The following IGF1R variants were observed in gnomAD, a reference collection of about 807,000 sequenced individuals.
IGF1R encodes the protein insulin like growth factor 1 receptor.
IGF1R carries 44 observed loss-of-function variants against 144.6 expected under a neutral mutation model. That is an observed-to-expected ratio of 0.30 (90% CI 0.24 to 0.39). The LOEUF (loss-of-function observed/expected upper bound fraction) is 0.39. Among genes scored for constraint, IGF1R ranks in the 10% least tolerant of loss-of-function variants. IGF1R has a pLI of 1.00. For missense variants in IGF1R, 1,355 were observed against 1,833.7 expected (o/e 0.74, Z 4.77); for synonymous variants, 795 against 722.8 (o/e 1.10, Z -1.60).
chr15:98,753,938 C>T (rs1217867728), intron 2 of IGF1R, among the ~76,000 whole-genome samples: 1 of 152,032 alleles, frequency 6.6e-6, no homozygotes, highest in Non-Finnish European at 1.5e-5. Context: ...TTTTCTGTGC[C>T]CTCCCTCCTC....
At chr15:98,676,267 A>G (rs2053042308) in intron 1 of IGF1R, among the ~76,000 whole-genome samples, 1 of 152,074 alleles carries the variant, frequency 6.6e-6, no homozygotes, top group Non-Finnish European at 1.5e-5. Flanking sequence ...CCTCTCGAGT[A>G]GCTGGGACTA....
intron 8 of IGF1R, 64 bp from the exon 9 acceptor site, chr15:98,915,900 T>C: frequency 6.7e-7 from 1 of 1,498,334 alleles, no homozygotes; most frequent in Non-Finnish European, 9.3e-7. Context: ...CTTGCCAGAG[T>C]ATCTGATAGC....
chr15:98,798,111 A>G (rs1173034802), intron 2 of IGF1R, among the ~76,000 whole-genome samples: 1 of 152,152 alleles, frequency 6.6e-6, no homozygotes, highest in Admixed American at 6.5e-5. Context: ...TCAGGGTTAT[A>G]GAAGTGGACA....
In IGF1R at chr15:98,649,687, C is replaced by A; in HGVS notation, c.94+12C>A. On this transcript the variant is annotated intron_variant, in intron 1 of 20. Transcript: ENST00000650285. ...GACGAGTGGAGAAAGTGAGTATGTG[C>A]CCGCCGCCCGCGGCCACTGCGGGAA... The A allele has an allele frequency of 1.9e-6, 3 of 1,594,168 alleles. No individual in the cohort carries two copies. The highest frequency in any genetic ancestry group is 1.1e-5 in the South Asian group (1 of 90,190).
intron 2 of IGF1R, among the ~76,000 whole-genome samples, chr15:98,743,043 GTT>G (rs1555438841): frequency 6.6e-6 from 1 of 152,124 alleles, no homozygotes; most frequent in Non-Finnish European, 1.5e-5. Context: ...GAAACAGTGT[GTT>G]GTGGTAATCA....
At chr15:98,825,300 A>C (rs1004249071) in intron 2 of IGF1R, among the ~76,000 whole-genome samples, 2 of 152,232 alleles carry the variant, frequency 1.3e-5, no homozygotes, top group Non-Finnish European at 2.9e-5. Context: ...AACAGATACC[A>C]AAATCCACAG....
In IGF1R at chr15:98,681,815, G is replaced by C. The variant is rs549761150; in HGVS notation, c.95-25747G>C. ...TGCATCAGGCTAATACTTGAATTTA[G>C]GGTCTGTCCCTGGTGTCATCTGAAT... On this transcript the variant is annotated intron_variant, in intron 1 of 20. Coordinates refer to ENST00000650285, the MANE Select transcript of IGF1R (RefSeq NM_000875.5). Among the ~76,000 whole-genome samples, 3 of 152,276 alleles carry C rather than the reference G, an allele frequency of 2.0e-5. No homozygotes were observed. In the South Asian group the frequency reaches 6.2e-4, roughly 32 times the overall value.
chr15:98,897,066 A>C (rs1052357475), intron 4 of IGF1R, 161 bp downstream of exon 4: 4 of 690,104 alleles, frequency 5.8e-6, no homozygotes, highest in African/African-American at 5.4e-5. Context: ...AGTTTCCCTG[A>C]AAGATAAAGA....
chr15:98,661,617 G>A (rs1474599329), intron 1 of IGF1R, among the ~76,000 whole-genome samples: 2 of 152,184 alleles, frequency 1.3e-5, no homozygotes, highest in Non-Finnish European at 2.9e-5. Flanking sequence ...CGTGCGGTTT[G>A]CATATGTGCA....
chr15:98,827,954 C>T (rs190937751), intron 2 of IGF1R, among the ~76,000 whole-genome samples: 393 of 152,256 alleles, frequency 2.6e-3, no homozygotes, highest in Middle Eastern at 3.4e-3. Flanking sequence ...ACACCTGTCC[C>T]GCTCCTGTCT....
intron 2 of IGF1R, among the ~76,000 whole-genome samples, chr15:98,807,744 AC>A (rs1465373353): frequency 6.6e-6 from 1 of 152,210 alleles, no homozygotes; most frequent in East Asian, 1.9e-4. Flanking sequence ...AAGCCACTTC[AC>A]TTTTGTCATA....
chr15:98,924,711 G>A (rs1195395768), intron 13 of IGF1R, 27 bp downstream of exon 13: 12 of 1,599,804 alleles, frequency 7.5e-6, no homozygotes, highest in East Asian at 2.2e-5. Context: ...GAGAAGAAAC[G>A]TGGTAAAACT....
rs1567223061 is a variant in IGF1R at position 98,957,141 on chromosome 15, A to G, written c.3803A>G (p.Glu1268Gly). 6.2e-7 allele frequency: 1 copy of G among 1,614,226 alleles called. No homozygotes were observed. The highest frequency in any genetic ancestry group is 1.7e-5 in the Admixed American group (1 of 60,030). The change falls in exon 21 of 21, where the codon GAG becomes GGG. Residue 1268 changes from glutamate to glycine, a missense_variant. Physicochemically the swap from Glu to Gly is moderately conservative, Grantham distance 98. Transcript: ENST00000650285. ...SFLEIISSIK[E>G]EMEPGFREVS... ...CTGGAGATCATCAGCAGCATCAAAG[A>G]GGAGATGGAGCCTGGCTTCCGGGAG...
rs369609036 is a variant in IGF1R at position 98,839,798 on chromosome 15, C to T, written c.641-51527C>T. On this transcript the variant is annotated intron_variant, in intron 2 of 20. Transcript: ENST00000650285. Reference sequence around the variant, plus strand: ...TGGTAGAGTGGTGCTCACCTCCACTCCTCCATAGATGCCAAGTCATCTGTG... The same window carrying T: ...TGGTAGAGTGGTGCTCACCTCCACTTCTCCATAGATGCCAAGTCATCTGTG... Among the ~76,000 whole-genome samples, 8 of 152,304 alleles carry T rather than the reference C, an allele frequency of 5.3e-5. No individual in the cohort carries two copies. The South Asian group carries it at 1.2e-3, about 24-fold the overall frequency.
chr15:98,931,566 A>G (rs1251553001), intron 15 of IGF1R, among the ~76,000 whole-genome samples: 1 of 152,164 alleles, frequency 6.6e-6, no homozygotes, highest in African/African-American at 2.4e-5. Flanking sequence ...GGTCTCACAA[A>G]GTTGGTTTTT....
chr15:98,956,289 C>T (rs1019703421), intron 20 of IGF1R, among the ~76,000 whole-genome samples: 1 of 152,258 alleles, frequency 6.6e-6, no homozygotes, highest in Non-Finnish European at 1.5e-5. Flanking sequence ...CAAGCGTCAT[C>T]CTGTTCTGCC....
In IGF1R at chr15:98,728,470, T is replaced by C. The variant is rs543504044; in HGVS notation, c.640+20363T>C. 2.0e-5 allele frequency among the ~76,000 whole-genome samples: 3 copies of C among 152,348 alleles called. No homozygotes were observed. In the East Asian group the frequency reaches 5.8e-4, roughly 29 times the overall value. On this transcript the variant is annotated intron_variant, in intron 2 of 20. Transcript: ENST00000650285. ...CACCTCCCAGCAAGAGGGCCTGACT[T>C]AGTGCTCCCACCATTGCCAGCCCCA... is the stretch of plus-strand genomic sequence containing the variant.
chr15:98,891,587 C>T lies in IGF1R; in HGVS notation c.903C>T (p.Gly301=), dbSNP rs2229764. 3 of 1,604,790 alleles carry T rather than the reference C, an allele frequency of 1.9e-6. No individual in the cohort carries two copies. Among genetic ancestry groups the T allele is most frequent in the East Asian group, 2.2e-5 (1 of 44,884 alleles). Residue 301 remains glycine (G), a synonymous_variant, in exon 3 of 21, where the codon GGC becomes GGT. Transcript: ENST00000650285. The surrounding 1 kb of genome is among the most constrained non-coding windows in gnomAD (Gnocchi z 4.7). ...SDSEGFVIHD[G]ECMQECPSGF... ...CCGAGGGGTTTGTGATCCACGACGG[C>T]GAGTGCATGCAGGAGTGCCCCTCGG...
chr15:98,816,236 C>T (rs1307398237), intron 2 of IGF1R, among the ~76,000 whole-genome samples: 2 of 152,196 alleles, frequency 1.3e-5, no homozygotes, highest in Admixed American at 6.5e-5. Context: ...CCTCATCAGG[C>T]CTTTCTCTGA....
Sources: gnomAD v4.1 joint callset for allele counts (sites outside exome capture counted in the v4.1 genomes callset) on GRCh38, gnomAD v4.1.1 for gene constraint, Gnocchi (gnomAD v3.1) non-coding constraint, MANE v1.5 for transcripts, NCBI Gene and HGNC (gene_info 2026-07-23, HGNC 2026-07-21) for gene names.